The following GSK3B variants were observed in gnomAD, a reference collection of about 807,000 sequenced individuals.
The protein encoded by GSK3B is glycogen synthase kinase 3 beta, also known as glycogen synthase kinase-3 beta.
Under a neutral mutation model 56.4 loss-of-function variants are expected in GSK3B, and 15 were observed. The ratio of observed to expected loss-of-function variants is 0.27; its 90% confidence interval spans 0.18 to 0.41. The LOEUF (loss-of-function observed/expected upper bound fraction) is 0.41. Among genes scored for constraint, GSK3B ranks in the 10% least tolerant of loss-of-function variants. The pLI is 1.00. For missense variants in GSK3B, 300 were observed against 513.4 expected, an observed-to-expected ratio of 0.58 and a Z score of 4.02; for synonymous variants, 181 against 188.9, an observed-to-expected ratio of 0.96 and a Z score of 0.34.
chr3:120,034,611 T>C (rs1335729013), intron 1 of GSK3B, among the ~76,000 whole-genome samples: 1 of 152,222 alleles, frequency 6.6e-6, no homozygotes, highest in African/African-American at 2.4e-5. Context: ...TCTGGATTGA[T>C]GTAAATTTTT....
chr3:119,998,382 G>C (rs2057644749), intron 2 of GSK3B, among the ~76,000 whole-genome samples: 1 of 152,190 alleles, frequency 6.6e-6, no homozygotes, highest in Non-Finnish European at 1.5e-5. Flanking sequence ...CAATCACATA[G>C]TACACTTGGG....
intron 2 of GSK3B, among the ~76,000 whole-genome samples, chr3:119,980,477 C>T (rs1359435611): frequency 1.3e-5 from 2 of 152,104 alleles, no homozygotes; most frequent in African/African-American, 4.8e-5. Context: ...CTCTGCCTCC[C>T]AAGTAGCTGG....
At chr3:119,873,805 T>C (rs1248085644) in intron 8 of GSK3B, among the ~76,000 whole-genome samples, 2 of 152,086 alleles carry the variant, frequency 1.3e-5, no homozygotes, top group African/African-American at 4.8e-5. Flanking sequence ...TATGCACAAA[T>C]GAGGAACCAA....
chr3:119,974,468 C>T (rs796997310), intron 2 of GSK3B, among the ~76,000 whole-genome samples: 18 of 152,220 alleles, frequency 1.2e-4, no homozygotes, highest in African/African-American at 4.3e-4. Context: ...GATTAATACC[C>T]TTATAAAAGA....
intron 1 of GSK3B, among the ~76,000 whole-genome samples, chr3:120,075,375 G>A (rs1260472233): frequency 6.6e-6 from 1 of 151,962 alleles, no homozygotes; most frequent in Non-Finnish European, 1.5e-5. Context: ...AGAAGTGCTG[G>A]AAGAGCTTGT....
At chr3:120,025,780 A>G (rs1316552735) in intron 1 of GSK3B, among the ~76,000 whole-genome samples, 1 of 152,190 alleles carries the variant, frequency 6.6e-6, no homozygotes, top group East Asian at 1.9e-4. Context: ...TGGGGGACAC[A>G]TGCGGCAGAG....
At chr3:119,926,796 C>T (rs1430029445) in intron 3 of GSK3B, among the ~76,000 whole-genome samples, 3 of 152,148 alleles carry the variant, frequency 2.0e-5, no homozygotes, top group Non-Finnish European at 4.4e-5. Flanking sequence ...ATGTTCTCCC[C>T]CAAGACATGC....
chr3:120,006,496 T>C (rs539203614), intron 1 of GSK3B, among the ~76,000 whole-genome samples: 5 of 152,292 alleles, frequency 3.3e-5, no homozygotes, highest in East Asian at 1.9e-4. Flanking sequence ...TATTCTAAAA[T>C]TGACCACATA....
intron 8 of GSK3B, among the ~76,000 whole-genome samples, chr3:119,873,068 C>T (rs950987767): frequency 2.6e-5 from 4 of 152,140 alleles, no homozygotes; most frequent in African/African-American, 9.7e-5. Flanking sequence ...CAATAATAAT[C>T]CTTGTTTCAG....
intron 10 of GSK3B, among the ~76,000 whole-genome samples, chr3:119,828,926 C>T (rs2107995503): frequency 6.6e-6 from 1 of 152,294 alleles, no homozygotes; most frequent in Admixed American, 6.5e-5. Flanking sequence ...TCAGAATCCA[C>T]ACATTAGGTT....
intron 7 of GSK3B, among the ~76,000 whole-genome samples, chr3:119,885,332 A>G (rs958109370): frequency 6.6e-6 from 1 of 151,924 alleles, no homozygotes; most frequent in African/African-American, 2.4e-5. Flanking sequence ...AAAGATCTCT[A>G]CAGGGAGAAC....
rs771322058 is a variant in GSK3B at position 119,824,654 on chromosome 3, TCTTTCAAATCTTAG to T, written c.*2120_*2133del. 1 of 197,484 alleles carries T rather than the reference TCTTTCAAATCTTAG, an allele frequency of 5.1e-6. No individual in the cohort carries two copies. Among genetic ancestry groups the T allele is most frequent in the Non-Finnish European group, 1.1e-5 (1 of 95,144 alleles). The allele number at this position is 197,484 out of a possible 1,614,324, so 12.2% of individuals were successfully genotyped here. On this transcript the variant is annotated 3_prime_UTR_variant, in exon 11 of 11. Transcript: ENST00000264235. ...CTGCCAAATACTTTGATTTCAGACTTCTTTCAAATCTTAGCTTTCAGAAGCACTTTATAAAACAT... is the reference window on the plus strand; with the variant it reads ...CTGCCAAATACTTTGATTTCAGACTTCTTTCAGAAGCACTTTATAAAACAT...
intron 10 of GSK3B, among the ~76,000 whole-genome samples, chr3:119,832,190 T>TAA (rs2055612541): frequency 6.6e-6 from 1 of 152,252 alleles, no homozygotes; most frequent in Admixed American, 6.5e-5. Context: ...TGATGTGAGA[T>TAA]ACTTAAGTAG....
At chr3:120,039,219 C>G (rs1451216995) in intron 1 of GSK3B, among the ~76,000 whole-genome samples, 1 of 152,210 alleles carries the variant, frequency 6.6e-6, no homozygotes, top group Non-Finnish European at 1.5e-5. Flanking sequence ...TGTGAGGCAA[C>G]AGGAACTCTC....
intron 2 of GSK3B, among the ~76,000 whole-genome samples, chr3:119,961,021 T>C (rs999029799): frequency 2.6e-5 from 4 of 152,156 alleles, no homozygotes; most frequent in Non-Finnish European, 5.9e-5. Flanking sequence ...ATACATTTCA[T>C]TGTAAGAAGT....
intron 10 of GSK3B, among the ~76,000 whole-genome samples, chr3:119,838,106 A>G (rs1199116881): frequency 6.6e-6 from 1 of 151,602 alleles, no homozygotes; most frequent in African/African-American, 2.4e-5. Context: ...TGGCCAACAA[A>G]GTGAAACCCC....
chr3:120,082,034 A>G (rs1278968990), intron 1 of GSK3B, among the ~76,000 whole-genome samples: 1 of 152,198 alleles, frequency 6.6e-6, no homozygotes, highest in African/African-American at 2.4e-5. Flanking sequence ...AATCATGGTA[A>G]GGACAACACC....
At chr3:120,030,439 C>G (rs1320842427) in intron 1 of GSK3B, among the ~76,000 whole-genome samples, 1 of 152,148 alleles carries the variant, frequency 6.6e-6, no homozygotes, top group Non-Finnish European at 1.5e-5. Flanking sequence ...GTGTCTCATT[C>G]CCCTGATTAA....
intron 9 of GSK3B, among the ~76,000 whole-genome samples, chr3:119,852,009 G>A (rs1350452509): frequency 1.3e-5 from 2 of 152,126 alleles, no homozygotes; most frequent in Non-Finnish European, 2.9e-5. Context: ...CATCATAACT[G>A]CTTCTCTCCT....
Sources: gnomAD v4.1 joint callset for allele counts (sites outside exome capture counted in the v4.1 genomes callset) on GRCh38, gnomAD v4.1.1 for gene constraint, MANE v1.5 for transcripts, NCBI Gene and HGNC (gene_info 2026-07-23, HGNC 2026-07-21) for gene names.